KIF1A: variants seen among roughly 807,000 people sequenced by gnomAD.
KIF1A encodes the protein kinesin-like protein KIF1A.
KIF1A carries 46 observed loss-of-function variants against 227.3 expected under a neutral mutation model. That is an observed-to-expected ratio of 0.20 (90% CI 0.16 to 0.26). The LOEUF is 0.26. KIF1A is among the 10% of genes least tolerant of loss of function. The pLI is 1.00. For missense variants in KIF1A, 1,683 were observed against 2,485.9 expected (o/e 0.68, Z 6.87); for synonymous variants, 1,022 against 1,012.8 (o/e 1.01, Z -0.17).
rs2044538644 is a variant in KIF1A, at chr2:240,715,744, ACGTG to A, written c.*1616_*1619del. 6.6e-6 allele frequency: 1 copy of A among 152,286 alleles called. No homozygotes were observed. Among genetic ancestry groups the A allele is most frequent in the Non-Finnish European group, 1.5e-5 (1 of 68,066 alleles). 9.4% of individuals were successfully genotyped at this position (152,286 alleles called of 1,614,324 possible). On this transcript the variant is annotated 3_prime_UTR_variant, in exon 49 of 49. Coordinates refer to ENST00000498729, the MANE Select transcript of KIF1A (RefSeq NM_001244008.2). ...GGTCTCTGAGGCTCATGTCAGCATC[ACGTG>A]GGACAGCCTGGGAGGGTAGGGGCCT...
chr2:240,796,185 GCACCTGAGGTCACATTTCC>G (rs1434737475), intron 2 of KIF1A, among the ~76,000 whole-genome samples: 1 of 152,144 alleles, frequency 6.6e-6, no homozygotes, highest in African/African-American at 2.4e-5. Flanking sequence ...GCCATGGTTC[GCACCTGAGGTCACATTTCC>G]CACCTGAGGT....
chr2:240,727,739 C>G (rs58955731), intron 38 of KIF1A, among the ~76,000 whole-genome samples: 37,468 of 152,098 alleles, frequency 0.25, 4,952 homozygotes, highest in African/African-American at 0.29. Context: ...GCCCCAGGGG[C>G]CTGGGATTTT....
intron 1 of KIF1A, among the ~76,000 whole-genome samples, chr2:240,805,050 GAGGGAGA>G (rs2057273480): frequency 1.8e-5 from 1 of 55,354 alleles, no homozygotes. Context: ...GGGAAGTGGG[GAGGGAGA>G]GGGGAGGGAG....
chr2:240,746,825 G>C (rs369768936), intron 29 of KIF1A, among the ~76,000 whole-genome samples: 3 of 152,234 alleles, frequency 2.0e-5, no homozygotes, highest in East Asian at 1.9e-4. Context: ...GCAGCCTCAG[G>C]GGGGCAGCCC....
At chr2:240,761,942 C>T (rs2050582659) in intron 23 of KIF1A, among the ~76,000 whole-genome samples, 1 of 152,210 alleles carries the variant, frequency 6.6e-6, no homozygotes, top group East Asian at 1.9e-4. Context: ...CTCCCCGACC[C>T]ATGCCCTGTC....
intron 38 of KIF1A, among the ~76,000 whole-genome samples, chr2:240,728,122 C>G (rs1160719952): frequency 1.3e-5 from 2 of 152,148 alleles, no homozygotes; most frequent in Non-Finnish European, 2.9e-5. Context: ...CGCGGTGGAG[C>G]ACAGGTGGCA....
At chr2:240,761,407 C>T in intron 23 of KIF1A, 30 bp from the exon 24 acceptor site, 2 of 1,549,684 alleles carry the variant, frequency 1.3e-6, no homozygotes, top group Non-Finnish European at 1.7e-6. Context: ...GTGGTCATCG[C>T]AGGAAGGCCA....
At chr2:240,806,006 C>T (rs2057372849) in intron 1 of KIF1A, among the ~76,000 whole-genome samples, 2 of 152,300 alleles carry the variant, frequency 1.3e-5, no homozygotes, top group Middle Eastern at 3.4e-3. Context: ...TCACTGTAAA[C>T]AATAACTAGC....
rs57448625 is a variant in KIF1A, at chr2:240,762,454, T to C, written c.2116+265A>G. ...CAGCATGTGTGTGCACGTGTGTACA[T>C]GTGTGCACGTGAATGTGTGCATGTG... On this transcript the variant is annotated intron_variant, in intron 23 of 48. Transcript: ENST00000498729. Among the ~76,000 whole-genome samples the C allele has an allele frequency of 9.2e-3, 1,400 of 152,342 alleles. 27 individuals are homozygous for C. Among genetic ancestry groups the C allele is most frequent in the African/African-American group, 0.032 (1,340 of 41,576 alleles).
At position 240,789,005 on chromosome 2, in the gene KIF1A, A is replaced by G. The variant is rs2055304208; in HGVS notation, c.183+231T>C. ...AAGTCACCAGCAGATGGACGTACAC[A>G]CAGCTCTGACCCTGGAAACTACCCA... On this transcript the variant is annotated intron_variant, in intron 3 of 48. Coordinates refer to ENST00000498729, the MANE Select transcript of KIF1A (RefSeq NM_001244008.2). The surrounding 1 kb of genome is among the most constrained non-coding windows in gnomAD (Gnocchi z 4.8). Among the ~76,000 whole-genome samples the G allele has an allele frequency of 6.6e-6, 1 of 152,100 alleles. No homozygotes were observed. Among genetic ancestry groups the G allele is most frequent in the African/African-American group, 2.4e-5 (1 of 41,406 alleles).
intron 34 of KIF1A, among the ~76,000 whole-genome samples, chr2:240,741,586 C>T (rs772940452): frequency 4.5e-4 from 68 of 152,240 alleles, no homozygotes; most frequent in Non-Finnish European, 5.1e-4. Context: ...GTCACATGGA[C>T]GCTCACGTTC....
rs374594491 is a variant in KIF1A, at chr2:240,781,647, G to A, written c.882+943C>T. 11 of 598,106 alleles carry A rather than the reference G, an allele frequency of 1.8e-5. No homozygotes were observed. The East Asian group carries it at 4.3e-4, about 23-fold the overall frequency. The allele number at this position is 598,106 out of a possible 1,614,324, so 37.0% of individuals were successfully genotyped here. ...ATCACCGCTCCTCACAGTTCACTCC[G>A]CTCCACACACAATTCCCCACGCAGG... On this transcript the variant is annotated intron_variant, in intron 10 of 48. Coordinates refer to ENST00000498729, the MANE Select transcript of KIF1A (RefSeq NM_001244008.2).
chr2:240,770,338 G>C (rs770726797), intron 15 of KIF1A, among the ~76,000 whole-genome samples: 1 of 151,970 alleles, frequency 6.6e-6, no homozygotes, highest in Non-Finnish European at 1.5e-5. Flanking sequence ...TGAGCGGTGG[G>C]AGGTGGTGAC....
chr2:240,755,914 C>T (rs1439535394), intron 27 of KIF1A, among the ~76,000 whole-genome samples: 3 of 151,970 alleles, frequency 2.0e-5, no homozygotes, highest in Non-Finnish European at 4.4e-5. Context: ...CCTTGGGGTC[C>T]ACTGCTCCCT....
At position 240,785,109 on chromosome 2, in the gene KIF1A, C is replaced by G. The variant is rs1352408410; in HGVS notation, c.609-9G>C. On this transcript the variant is annotated splice_polypyrimidine_tract_variant and intron_variant, in intron 6 of 48. Coordinates refer to ENST00000498729, the MANE Select transcript of KIF1A (RefSeq NM_001244008.2). ...TGGTGGCCGCCACGGTCCTGAGGAGCAGAAAGCCACGCACGGTTACCCCTC... is the reference window on the plus strand; with the variant it reads ...TGGTGGCCGCCACGGTCCTGAGGAGGAGAAAGCCACGCACGGTTACCCCTC... 1.9e-6 allele frequency: 3 copies of G among 1,608,230 alleles called. No homozygotes were observed. Among genetic ancestry groups the G allele is most frequent in the Non-Finnish European group, 1.7e-6 (2 of 1,176,484 alleles).
At chr2:240,819,661 G>A (rs992928127) in intron 1 of KIF1A, among the ~76,000 whole-genome samples, 2 of 151,758 alleles carry the variant, frequency 1.3e-5, no homozygotes, top group African/African-American at 2.4e-5. Flanking sequence ...TGCGGCGTCA[G>A]CGTCCTCAGC....
At chr2:240,802,037 G>A (rs938592374) in intron 1 of KIF1A, among the ~76,000 whole-genome samples, 1 of 149,468 alleles carries the variant, frequency 6.7e-6, no homozygotes, top group African/African-American at 2.5e-5. Flanking sequence ...GCCACACAAG[G>A]CACAGCACTG....
chr2:240,758,310 T>C lies in KIF1A; in HGVS notation c.2582+50A>G. The C allele has an allele frequency of 6.4e-7, 1 of 1,553,640 alleles. No homozygotes were observed. Among genetic ancestry groups the C allele is most frequent in the South Asian group, 1.2e-5 (1 of 82,388 alleles). On this transcript the variant is annotated intron_variant, in intron 26 of 48. Coordinates refer to ENST00000498729, the MANE Select transcript of KIF1A (RefSeq NM_001244008.2). The surrounding 1 kb of genome is among the most constrained non-coding windows in gnomAD (Gnocchi z 5.2). ...GGGCCCACTCCTACCCCCACTGCCA[T>C]CTCTCTCTCTCAATCTCTCTCTCTG...
chr2:240,720,591 G>A (rs1404873017), intron 45 of KIF1A: 4 of 212,788 alleles, frequency 1.9e-5, no homozygotes, highest in Non-Finnish European at 2.9e-5. Context: ...CGGCTCTCAT[G>A]CCCTCTTTCG....
Sources: allele counts gnomAD v4.1 joint callset (sites outside exome capture counted in the v4.1 genomes callset), GRCh38; gene constraint gnomAD v4.1.1; non-coding constraint Gnocchi (gnomAD v3.1); transcripts MANE v1.5; gene names NCBI Gene and HGNC (gene_info 2026-07-23, HGNC 2026-07-21).